FGF9: variants seen among roughly 807,000 people sequenced by gnomAD.
FGF9 encodes the protein fibroblast growth factor 9 (glia-activating factor).
In FGF9, 3 loss-of-function variants were observed where a neutral mutation model predicts 19.9. The ratio of observed to expected loss-of-function variants is 0.15; its 90% CI spans 0.07 to 0.39. The LOEUF is 0.39. Among genes scored for constraint, FGF9 ranks in the 10% least tolerant of loss-of-function variants. The pLI, the probability that FGF9 is intolerant of heterozygous loss-of-function variation, is 1.00. For synonymous variants in FGF9, 107 were observed against 106.9 expected, an observed-to-expected ratio of 1.00 and a Z score of -0.01; for missense variants, 175 against 256.8, an observed-to-expected ratio of 0.68 and a Z score of 2.18.
intron 1 of FGF9, chr13:21,674,318 G>A (rs1430281078): frequency 1.3e-5 from 2 of 152,050 alleles, no homozygotes; most frequent in African/African-American, 4.8e-5. Context: ...GGTGGGTCGG[G>A]GGCCCCTGGC....
rs17069999 is a variant in FGF9, at chr13:21,672,580, G to A, written c.277+391G>A. On this transcript the variant is annotated intron_variant, in intron 1 of 2. Transcript: ENST00000382353. This position sits in a 1 kb window ranked among gnomAD's most constrained non-coding sequence, Gnocchi z 4.2. ...AAGAACTTAATGCAGTTTCTTGAAGGCAGTGGGTATCTTGTGCCCAAATTA... is the reference window on the plus strand; with the variant it reads ...AAGAACTTAATGCAGTTTCTTGAAGACAGTGGGTATCTTGTGCCCAAATTA... 1.2e-3 allele frequency among the ~76,000 whole-genome samples: 180 copies of A among 152,310 alleles called. No homozygotes were observed. Among genetic ancestry groups the A allele is most frequent in the African/African-American group, 4.0e-3 (168 of 41,562 alleles).
chr13:21,688,453 T>C (rs1872210730), intron 2 of FGF9, among the ~76,000 whole-genome samples: 3 of 152,224 alleles, frequency 2.0e-5, no homozygotes, highest in South Asian at 4.1e-4. Context: ...TTAGACGATA[T>C]GGAGGGCAGC....
At chr13:21,675,245 G>T (rs961413523) in intron 1 of FGF9, among the ~76,000 whole-genome samples, 2 of 152,026 alleles carry the variant, frequency 1.3e-5, no homozygotes, top group Non-Finnish European at 2.9e-5. Flanking sequence ...GGGGAAGCAG[G>T]GTGAGGCAGG....
rs1283814283 is a variant in FGF9 at position 21,701,428 on chromosome 13, A to G, written c.620A>G (p.Gln207Arg). The G allele has an allele frequency of 6.2e-7, 1 of 1,613,990 alleles. No homozygotes were observed. The highest frequency in any genetic ancestry group is 1.3e-5 in the African/African-American group (1 of 74,920). ...VPELYKDILS[Q>R]S ...GAACTGTATAAGGATATTCTAAGCC[A>G]AAGTTGACAAAGACAGTTTCTTCAC... The change falls in exon 3 of 3, where the codon CAA (glutamine) becomes CGA (arginine). Residue 207 changes from glutamine (Q) to arginine (R), a missense_variant. Physicochemically the swap from Gln to Arg is conservative, Grantham distance 43. Around this residue, in one of 3 missense-constraint regions of FGF9, gnomAD observed 101 missense variants for 160.7 expected, o/e 0.63. Transcript: ENST00000382353.
At chr13:21,682,726 A>G (rs957084725) in intron 2 of FGF9, among the ~76,000 whole-genome samples, 3 of 140,330 alleles carry the variant, frequency 2.1e-5, no homozygotes, top group African/African-American at 5.2e-5. Context: ...TTAGGTATGT[A>G]ATGTGGGTTT....
At chr13:21,694,344 T>C (rs1025098183) in intron 2 of FGF9, among the ~76,000 whole-genome samples, 1 of 152,196 alleles carries the variant, frequency 6.6e-6, no homozygotes, top group African/African-American at 2.4e-5. Context: ...CTGCTTTCTC[T>C]ATCATAGAAA....
rs1194498860 is a variant in FGF9 at position 21,672,778 on chromosome 13, G to C, written c.277+589G>C. On this transcript the variant is annotated intron_variant, in intron 1 of 2. Transcript: ENST00000382353. The surrounding 1 kb of genome is among the most constrained non-coding windows in gnomAD (Gnocchi z 4.2). ...ATTTTAGGCTCCGTGAAAAGCAGGG[G>C]CAGAGGCTTGGGGGAAAATGACTTG... Among the ~76,000 whole-genome samples, 4 of 152,208 alleles carry C rather than the reference G, an allele frequency of 2.6e-5. No homozygotes were observed. The highest frequency in any genetic ancestry group is 5.9e-5 in the Non-Finnish European group (4 of 68,042).
chr13:21,696,658 T>C (rs1272786239), intron 2 of FGF9, among the ~76,000 whole-genome samples: 1 of 152,202 alleles, frequency 6.6e-6, no homozygotes, highest in Non-Finnish European at 1.5e-5. Context: ...TATATAAGAA[T>C]ACAGGTTAAT....
chr13:21,700,802 G>A (rs1007020151), intron 2 of FGF9, among the ~76,000 whole-genome samples: 1 of 152,140 alleles, frequency 6.6e-6, no homozygotes, highest in Non-Finnish European at 1.5e-5. Context: ...ACTAGAAAAC[G>A]TTTAGACTCT....
intron 2 of FGF9, among the ~76,000 whole-genome samples, chr13:21,695,290 G>GA (rs1346138160): frequency 6.6e-6 from 1 of 152,066 alleles, no homozygotes; most frequent in Non-Finnish European, 1.5e-5. Flanking sequence ...GAGACAAAAT[G>GA]AAAAATGGCC....
intron 1 of FGF9, among the ~76,000 whole-genome samples, chr13:21,677,775 A>C (rs1179695055): frequency 6.6e-6 from 1 of 152,162 alleles, no homozygotes; most frequent in African/African-American, 2.4e-5. Context: ...TGACGTCTCT[A>C]TTTTTAAGGA....
intron 2 of FGF9, 185 bp downstream of exon 2, chr13:21,681,330 G>A: frequency 2.0e-6 from 1 of 505,394 alleles, no homozygotes; most frequent in East Asian, 3.2e-5. Context: ...ACCTTCACTA[G>A]ACCAAAGTTG....
At chr13:21,700,909 C>G (rs1301889651) in intron 2 of FGF9, among the ~76,000 whole-genome samples, 1 of 152,106 alleles carries the variant, frequency 6.6e-6, no homozygotes, top group Admixed American at 6.5e-5. Context: ...TTAAAATGGG[C>G]TAAAACATCA....
In FGF9 at chr13:21,671,556, T is replaced by C. The variant is rs1475702813; in HGVS notation, c.-357T>C. ...ATGGTCATTCTGATCTCAAACCAAA[T>C]GGAGAAACTACGGATTTTTTTTCCT... is the stretch of plus-strand genomic sequence containing the variant. On this transcript the variant is annotated 5_prime_UTR_variant, in exon 1 of 3. The change abolishes an upstream ATG in the 5' untranslated region. Transcript: ENST00000382353. 4 of 512,010 alleles carry C rather than the reference T, an allele frequency of 7.8e-6. No homozygotes were observed. Among genetic ancestry groups the C allele is most frequent in the African/African-American group, 3.9e-5 (2 of 51,870 alleles). 31.7% of individuals were successfully genotyped at this position (512,010 alleles called of 1,614,324 possible). A position where few individuals can be genotyped will look rare whatever the true frequency, so the allele number is the denominator to read the frequency against.
chr13:21,673,351 C>T (rs1251044060), intron 1 of FGF9, among the ~76,000 whole-genome samples: 1 of 152,080 alleles, frequency 6.6e-6, no homozygotes, highest in Non-Finnish European at 1.5e-5. Context: ...GCGGATGATG[C>T]CAGAAGGTGA....
intron 2 of FGF9, among the ~76,000 whole-genome samples, chr13:21,695,084 G>A (rs1025835943): frequency 4.9e-4 from 38 of 77,426 alleles, no homozygotes; most frequent in Admixed American, 4.4e-3. Flanking sequence ...GTGTGTGTGC[G>A]TGTGTGTGTG....
intron 1 of FGF9, among the ~76,000 whole-genome samples, chr13:21,673,153 T>A (rs559360186): frequency 7.6e-5 from 11 of 144,240 alleles, no homozygotes; most frequent in Non-Finnish European, 1.2e-4. Context: ...TTTCCTTACT[T>A]AAAAAAAAAA....
intron 1 of FGF9, chr13:21,673,959 C>T (rs960844699): frequency 2.0e-5 from 3 of 152,360 alleles, no homozygotes; most frequent in Non-Finnish European, 4.4e-5. Context: ...CGGGTGCGCC[C>T]TTCAGTGCTG....
intron 2 of FGF9, among the ~76,000 whole-genome samples, chr13:21,685,337 T>C (rs1158586161): frequency 6.6e-6 from 1 of 152,260 alleles, no homozygotes; most frequent in African/African-American, 2.4e-5. Flanking sequence ...ATTAATTTTC[T>C]CTTTTCATCT....
Sources: gnomAD v4.1 joint callset for allele counts (sites outside exome capture counted in the v4.1 genomes callset) on GRCh38, gnomAD v4.1.1 for gene constraint, gnomAD v4.1.1 regional missense constraint, Gnocchi (gnomAD v3.1) non-coding constraint, MANE v1.5 for transcripts, NCBI Gene and HGNC (gene_info 2026-07-23, HGNC 2026-07-21) for gene names.